Variants in CLSTN2 observed in about 807,000 individuals in gnomAD.
The protein encoded by CLSTN2 is calsyntenin 2, also known as calsyntenin-2.
Under a neutral mutation model 101.2 loss-of-function variants are expected in CLSTN2, and 48 were observed. The observed-to-expected ratio is 0.47, with a 90% confidence interval of 0.38 to 0.60. CLSTN2 has a LOEUF of 0.60. Ranked by LOEUF, CLSTN2 falls within the 20% of genes least tolerant of loss-of-function variation. The pLI is 0.00. For missense variants in CLSTN2, 1,160 were observed against 1,238.2 expected (o/e 0.94, Z 0.95); for synonymous variants, 481 against 463.6 (o/e 1.04, Z -0.48).
At chr3:140,522,285 C>T (rs1935046914) in intron 8 of CLSTN2, among the ~76,000 whole-genome samples, 1 of 152,222 alleles carries the variant, frequency 6.6e-6, no homozygotes, top group Non-Finnish European at 1.5e-5. Context: ...ACTTTCATTC[C>T]TCTCTGTGAG....
intron 6 of CLSTN2, among the ~76,000 whole-genome samples, chr3:140,453,667 AT>A (rs1266826753): frequency 1.3e-5 from 2 of 152,236 alleles, no homozygotes; most frequent in African/African-American, 4.8e-5. Flanking sequence ...TTTGCTAATT[AT>A]CCTGAATTGA....
At chr3:140,233,319 C>G (rs1338604150) in intron 2 of CLSTN2, among the ~76,000 whole-genome samples, 3 of 152,136 alleles carry the variant, frequency 2.0e-5, no homozygotes, top group Non-Finnish European at 4.4e-5. Flanking sequence ...CAGAGGCTGA[C>G]CTTCTTTCTG....
rs141669466 is a variant in CLSTN2 at position 140,131,694 on chromosome 3, G to A, written c.110-44257G>A. 6.0e-4 allele frequency among the ~76,000 whole-genome samples: 91 copies of A among 152,202 alleles called. No individual in the cohort carries two copies. In the East Asian group the frequency reaches 0.015, roughly 26 times the overall value. On this transcript the variant is annotated intron_variant, in intron 1 of 16. Transcript: ENST00000458420. Reference sequence around the variant, plus strand: ...GAGGAGGTGGGACAGTCAGGTGGCTGAATCATGAGAGGCCTCATATCCTGA... The same window carrying A: ...GAGGAGGTGGGACAGTCAGGTGGCTAAATCATGAGAGGCCTCATATCCTGA...
chr3:140,486,716 G>A (rs1934248055), intron 8 of CLSTN2, among the ~76,000 whole-genome samples: 2 of 152,170 alleles, frequency 1.3e-5, no homozygotes, highest in South Asian at 4.1e-4. Flanking sequence ...TGGGCCACAG[G>A]TAGGAAAGGA....
intron 5 of CLSTN2, among the ~76,000 whole-genome samples, chr3:140,445,640 C>T (rs113756103): frequency 1.1e-4 from 16 of 152,216 alleles, no homozygotes; most frequent in African/African-American, 3.9e-4. Context: ...ATAGATGGTC[C>T]AGCAGGAGTG....
At chr3:140,302,966 C>A (rs1000964483) in intron 2 of CLSTN2, among the ~76,000 whole-genome samples, 3 of 152,166 alleles carry the variant, frequency 2.0e-5, no homozygotes, top group Non-Finnish European at 4.4e-5. Flanking sequence ...TTGCTGAGTT[C>A]TCCATCTCTG....
At chr3:140,176,982 G>A (rs985699844) in intron 2 of CLSTN2, among the ~76,000 whole-genome samples, 1 of 152,134 alleles carries the variant, frequency 6.6e-6, no homozygotes, top group Non-Finnish European at 1.5e-5. Context: ...GAGAAAAGGG[G>A]GTTCTTTTGC....
chr3:140,369,653 C>T (rs17345834), intron 2 of CLSTN2, among the ~76,000 whole-genome samples: 2,302 of 152,250 alleles, frequency 0.015, 34 homozygotes, highest in Middle Eastern at 0.031. Context: ...AAATATTAGC[C>T]GAGCCACTTT....
intron 1 of CLSTN2, among the ~76,000 whole-genome samples, chr3:140,003,515 C>T (rs1052375962): frequency 6.6e-6 from 1 of 152,092 alleles, no homozygotes; most frequent in Non-Finnish European, 1.5e-5. Flanking sequence ...TTTGGATGCC[C>T]TTTATACCTT....
At chr3:140,533,515 C>T (rs185241966) in intron 9 of CLSTN2, among the ~76,000 whole-genome samples, 12 of 151,950 alleles carry the variant, frequency 7.9e-5, no homozygotes, top group Admixed American at 1.3e-4. Context: ...CGAGACCATC[C>T]TGGCTAACAC....
chr3:140,088,642 C>T (rs1335379525), intron 1 of CLSTN2, among the ~76,000 whole-genome samples: 1 of 152,168 alleles, frequency 6.6e-6, no homozygotes, highest in Non-Finnish European at 1.5e-5. Context: ...TATGACTCTC[C>T]CCACCCAAAG....
rs553370722 is a variant in CLSTN2, at chr3:139,997,666, A to G, written c.109+62183A>G. Among the ~76,000 whole-genome samples, 7 of 152,270 alleles carry G rather than the reference A, an allele frequency of 4.6e-5. No homozygotes were observed. The South Asian group carries it at 1.5e-3, about 32-fold the overall frequency. ...CTGGTAGGGCAAATTCCTCCACTTC[A>G]TTCTTCTTCAGAAGTGATGTGGTCT... On this transcript the variant is annotated intron_variant, in intron 1 of 16. Transcript: ENST00000458420.
intron 2 of CLSTN2, among the ~76,000 whole-genome samples, chr3:140,240,243 C>A (rs1228974779): frequency 9.3e-6 from 1 of 107,840 alleles, no homozygotes; most frequent in Admixed American, 1.3e-4. Context: ...TGCATATATA[C>A]ACATATATAT....
At chr3:140,337,438 T>G (rs2087454482) in intron 2 of CLSTN2, among the ~76,000 whole-genome samples, 1 of 152,192 alleles carries the variant, frequency 6.6e-6, no homozygotes, top group Admixed American at 6.5e-5. Flanking sequence ...AATCTCCTCT[T>G]CTTTTAAGGA....
At position 140,249,971 on chromosome 3, in the gene CLSTN2, C is replaced by T. The variant is rs962132477; in HGVS notation, c.232+73898C>T. 8.5e-5 allele frequency among the ~76,000 whole-genome samples: 13 copies of T among 152,142 alleles called. No individual in the cohort carries two copies. The South Asian group carries it at 1.0e-3, about 12-fold the overall frequency. On this transcript the variant is annotated intron_variant, in intron 2 of 16. Coordinates refer to ENST00000458420, the MANE Select transcript of CLSTN2 (RefSeq NM_022131.3). ...TATGGCTTACAGCTGGCAGGGAAAGCTCAGAAAGACAAGTATTATGACCTC... is the reference window on the plus strand; with the variant it reads ...TATGGCTTACAGCTGGCAGGGAAAGTTCAGAAAGACAAGTATTATGACCTC...
chr3:140,297,240 T>A (rs978359048), intron 2 of CLSTN2, among the ~76,000 whole-genome samples: 1 of 152,230 alleles, frequency 6.6e-6, no homozygotes, highest in Non-Finnish European at 1.5e-5. Context: ...GCATCAACTC[T>A]GAAAGGCAAT....
intron 1 of CLSTN2, among the ~76,000 whole-genome samples, chr3:140,110,758 C>A (rs1424363723): frequency 5.3e-5 from 8 of 152,100 alleles, no homozygotes; most frequent in Non-Finnish European, 1.5e-5. Flanking sequence ...CTGTGTTGCA[C>A]CTCAGCCTCT....
At position 139,978,365 on chromosome 3, in the gene CLSTN2, G is replaced by C. The variant is rs549089430; in HGVS notation, c.109+42882G>C. 2.0e-5 allele frequency among the ~76,000 whole-genome samples: 3 copies of C among 152,304 alleles called. No individual in the cohort carries two copies. The South Asian group carries it at 6.2e-4, about 32-fold the overall frequency. ...CTGATATGTGAGAGCGTGGGACAGAGACTGAGAGAATGAGCGTGTAAACTT... is the reference window on the plus strand; with the variant it reads ...CTGATATGTGAGAGCGTGGGACAGACACTGAGAGAATGAGCGTGTAAACTT... On this transcript the variant is annotated intron_variant, in intron 1 of 16. Transcript: ENST00000458420.
At chr3:140,202,256 G>A (rs2010726888) in intron 2 of CLSTN2, among the ~76,000 whole-genome samples, 1 of 152,200 alleles carries the variant, frequency 6.6e-6, no homozygotes, top group East Asian at 1.9e-4. Context: ...GCAGTGTCAG[G>A]GAGACCACTT....
Sources: gnomAD v4.1 joint callset for allele counts (sites outside exome capture counted in the v4.1 genomes callset) on GRCh38, gnomAD v4.1.1 for gene constraint, MANE v1.5 for transcripts, NCBI Gene and HGNC (gene_info 2026-07-23, HGNC 2026-07-21) for gene names.